Variants in DHCR24 observed in about 807,000 individuals in gnomAD.
The protein encoded by DHCR24 is delta(24)-sterol reductase.
A neutral mutation model predicts 61.2 loss-of-function variants in DHCR24; 28 were observed. That is an observed-to-expected ratio of 0.46 (90% confidence interval 0.34 to 0.63). DHCR24 has a LOEUF of 0.63. Among genes scored for constraint, DHCR24 ranks in the 20% least tolerant of loss-of-function variants. The pLI is 0.01. For synonymous variants in DHCR24, 261 were observed against 275.9 expected, an observed-to-expected ratio of 0.95 and a Z score of 0.54; for missense variants, 538 against 679.1, an observed-to-expected ratio of 0.79 and a Z score of 2.31.
At chr1:54,881,493 A>G (rs1647063718) in intron 2 of DHCR24, among the ~76,000 whole-genome samples, 2 of 152,220 alleles carry the variant, frequency 1.3e-5, no homozygotes, top group Non-Finnish European at 2.9e-5. Flanking sequence ...AAAATAACAG[A>G]TGCTGGTGAA....
rs182565104 is a variant in DHCR24, at chr1:54,886,714, C to T, written c.231+175G>A. 6 of 1,325,726 alleles carry T rather than the reference C, an allele frequency of 4.5e-6. No individual in the cohort carries two copies. The East Asian group carries it at 1.4e-4, about 31-fold the overall frequency. The allele number at this position is 1,325,726 out of a possible 1,614,324, so 82.1% of individuals were successfully genotyped here. On this transcript the variant is annotated intron_variant, in intron 1 of 8. Coordinates refer to ENST00000371269, the MANE Select transcript of DHCR24 (RefSeq NM_014762.4). Reference sequence around the variant, plus strand: ...AGTGGGCACTTTGCCTGTTCTGTTCCCCCGCCCCCATCACATTTTTGTTTC... The same window carrying T: ...AGTGGGCACTTTGCCTGTTCTGTTCTCCCGCCCCCATCACATTTTTGTTTC...
intron 2 of DHCR24, among the ~76,000 whole-genome samples, chr1:54,877,895 C>T (rs1424583747): frequency 2.0e-5 from 3 of 151,304 alleles, no homozygotes; most frequent in Non-Finnish European, 2.9e-5. Flanking sequence ...CCTGTAATCC[C>T]ACTTACTCAG....
At chr1:54,868,575 G>C (rs1017348224) in intron 5 of DHCR24, among the ~76,000 whole-genome samples, 1 of 152,168 alleles carries the variant, frequency 6.6e-6, no homozygotes, top group Non-Finnish European at 1.5e-5. Flanking sequence ...CCAACTATGG[G>C]CAGCAATAGG....
intron 6 of DHCR24, among the ~76,000 whole-genome samples, chr1:54,861,681 G>T (rs1646939235): frequency 6.6e-6 from 1 of 152,046 alleles, no homozygotes; most frequent in South Asian, 2.1e-4. Context: ...ATAACTCTCT[G>T]CCTACTCTGT....
At chr1:54,886,646 C>CAA (rs773988741) in intron 1 of DHCR24, 369 of 1,488,560 alleles carry the variant, frequency 2.5e-4, no homozygotes, top group African/African-American at 4.6e-4. Flanking sequence ...CCCCTCTTCC[C>CAA]CTTCTTCATC....
Position 54,851,551 on chromosome 1 carries a change from G to C in DHCR24, c.*682C>G, listed in dbSNP as rs1367325565. ...AGTGGTGGCTGGGGTGGGCCTGCAG[G>C]CCCAGGCATGAAGGAGGAAGGGGCA... is the stretch of plus-strand genomic sequence containing the variant. On this transcript the variant is annotated 3_prime_UTR_variant, in exon 9 of 9. Transcript: ENST00000371269. 3 of 153,236 alleles carry C rather than the reference G, an allele frequency of 2.0e-5. No homozygotes were observed. The highest frequency in any genetic ancestry group is 4.4e-5 in the Non-Finnish European group (3 of 68,490). The allele number at this position is 153,236 out of a possible 1,614,324, so 9.5% of individuals were successfully genotyped here. A position where few individuals can be genotyped will look rare whatever the true frequency, so the allele number is the denominator to read the frequency against.
chr1:54,882,636 A>G (rs77668549), intron 2 of DHCR24, among the ~76,000 whole-genome samples: 12,518 of 152,324 alleles, frequency 0.082, 685 homozygotes, highest in South Asian at 0.15. Flanking sequence ...ACATCCACAC[A>G]ATATGTGTGG....
chr1:54,876,078 A>G, intron 2 of DHCR24, 31 bp from the exon 3 acceptor site: 1 of 1,584,540 alleles, frequency 6.3e-7, no homozygotes, highest in Non-Finnish European at 8.7e-7. Flanking sequence ...ACCCTGGGTC[A>G]AAAGGAGGCT....
At chr1:54,875,676 G>T (rs1013769104) in intron 3 of DHCR24, among the ~76,000 whole-genome samples, 6 of 152,126 alleles carry the variant, frequency 3.9e-5, no homozygotes, top group African/African-American at 9.7e-5. Context: ...TGTTCCATGG[G>T]GGGGAATTGG....
At chr1:54,855,849 C>T (rs140223997) in intron 6 of DHCR24, among the ~76,000 whole-genome samples, 1 of 152,222 alleles carries the variant, frequency 6.6e-6, no homozygotes, top group African/African-American at 2.4e-5. Context: ...AGCAGAAATC[C>T]CCATAGTACA....
At chr1:54,853,184 G>GA (rs955629019) in intron 8 of DHCR24, among the ~76,000 whole-genome samples, 1 of 65,528 alleles carries the variant, frequency 1.5e-5, no homozygotes, top group Non-Finnish European at 3.0e-5. Flanking sequence ...TGGGGCTGCT[G>GA]GGGGGGTGTG....
intron 4 of DHCR24, among the ~76,000 whole-genome samples, chr1:54,874,871 A>T (rs763145929): frequency 2.0e-5 from 3 of 152,142 alleles, no homozygotes; most frequent in Non-Finnish European, 4.4e-5. Flanking sequence ...AACCTCCCTC[A>T]TTAGGTTGTT....
chr1:54,883,922 T>C lies in DHCR24; in HGVS notation c.232-149A>G, dbSNP rs142899799. 4.7e-6 allele frequency: 5 copies of C among 1,055,046 alleles called. No homozygotes were observed. Among genetic ancestry groups the C allele is most frequent in the Non-Finnish European group, 6.9e-6 (5 of 722,446 alleles). The allele number at this position is 1,055,046 out of a possible 1,614,324, so 65.4% of individuals were successfully genotyped here. A position where few individuals can be genotyped will look rare whatever the true frequency, so the allele number is the denominator to read the frequency against. On this transcript the variant is annotated intron_variant, in intron 1 of 8. Coordinates refer to ENST00000371269, the MANE Select transcript of DHCR24 (RefSeq NM_014762.4). The surrounding 1 kb of genome is among the most constrained non-coding windows in gnomAD (Gnocchi z 4.3). ...ATGAAAAGGCCTGCTGGCCCTACCC[T>C]CTGGCACCTCCCTGGCCAGCAAGGC...
chr1:54,853,068 C>T (rs973905135), intron 8 of DHCR24, among the ~76,000 whole-genome samples: 4 of 152,154 alleles, frequency 2.6e-5, no homozygotes, highest in South Asian at 4.1e-4. Context: ...TCCCTCTCTC[C>T]TTAGCTTTGG....
intron 6 of DHCR24, among the ~76,000 whole-genome samples, chr1:54,860,775 G>C (rs1646932666): frequency 6.6e-6 from 1 of 152,106 alleles, no homozygotes; most frequent in Non-Finnish European, 1.5e-5. Flanking sequence ...CACGAGGTCA[G>C]GAGATCGAGA....
chr1:54,875,251 TG>T (rs1456685312), intron 3 of DHCR24, 40 bp from the exon 4 acceptor site: 1 of 1,600,300 alleles, frequency 6.2e-7, no homozygotes, highest in Non-Finnish European at 8.6e-7. Flanking sequence ...GGGAGAGCTG[TG>T]GGTACAGGGT....
At chr1:54,876,403 C>T (rs936361915) in intron 2 of DHCR24, among the ~76,000 whole-genome samples, 2 of 152,188 alleles carry the variant, frequency 1.3e-5, no homozygotes, top group African/African-American at 4.8e-5. Flanking sequence ...TCTGTAATCC[C>T]AGCACTTTGG....
intron 5 of DHCR24, among the ~76,000 whole-genome samples, chr1:54,868,469 CA>C (rs992798408): frequency 6.9e-6 from 1 of 145,234 alleles, no homozygotes; most frequent in Non-Finnish European, 1.5e-5. Flanking sequence ...GACTCTGTCT[CA>C]AAAAAAAACA....
At chr1:54,875,513 G>T (rs545861647) in intron 3 of DHCR24, among the ~76,000 whole-genome samples, 1 of 152,212 alleles carries the variant, frequency 6.6e-6, no homozygotes, top group East Asian at 1.9e-4. Context: ...CATCTTGAGA[G>T]GGACTTTAAT....
Sources: allele counts gnomAD v4.1 joint callset (sites outside exome capture counted in the v4.1 genomes callset), GRCh38; gene constraint gnomAD v4.1.1; non-coding constraint Gnocchi (gnomAD v3.1); transcripts MANE v1.5; gene names NCBI Gene and HGNC (gene_info 2026-07-23, HGNC 2026-07-21).